Variants in CDH4 observed in about 807,000 individuals in gnomAD.
CDH4 encodes cadherin-4.
A neutral mutation model predicts 86.0 loss-of-function variants in CDH4; 33 were observed. The ratio of observed to expected loss-of-function variants is 0.38; its 90% CI spans 0.29 to 0.51. CDH4 has a LOEUF of 0.51. Among genes scored for constraint, CDH4 ranks in the 20% least tolerant of loss-of-function variants. The pLI, the probability that CDH4 is intolerant of heterozygous loss-of-function variation, is 0.86. For missense variants in CDH4, 1,114 were observed against 1,307.4 expected (o/e 0.85, Z 2.28); for synonymous variants, 555 against 549.4 (o/e 1.01, Z -0.14).
intron 2 of CDH4, among the ~76,000 whole-genome samples, chr20:61,338,193 G>T (rs1045093654): frequency 2.0e-5 from 3 of 152,182 alleles, no homozygotes; most frequent in African/African-American, 7.2e-5. Context: ...TAGCTTCATT[G>T]TTCAACTATT....
intron 9 of CDH4, among the ~76,000 whole-genome samples, chr20:61,911,905 G>A (rs2054855386): frequency 6.6e-6 from 1 of 152,198 alleles, no homozygotes. Flanking sequence ...CCGGAGCAGA[G>A]ACTTAACCAC....
At chr20:61,559,519 CTTT>C (rs1156864328) in intron 2 of CDH4, among the ~76,000 whole-genome samples, 9 of 105,162 alleles carry the variant, frequency 8.6e-5, no homozygotes, top group African/African-American at 2.9e-4. Context: ...ATTTTTTTTT[CTTT>C]TTTTTTTTTT....
At chr20:61,685,471 C>G (rs2087563550) in intron 2 of CDH4, among the ~76,000 whole-genome samples, 1 of 152,252 alleles carries the variant, frequency 6.6e-6, no homozygotes, top group Non-Finnish European at 1.5e-5. Context: ...GCCCCTTCAT[C>G]TCCCCTGCGG....
intron 8 of CDH4, among the ~76,000 whole-genome samples, chr20:61,907,494 C>T (rs2054802955): frequency 1.3e-5 from 2 of 152,218 alleles, no homozygotes; most frequent in South Asian, 4.1e-4. Context: ...GGATCTCCAA[C>T]CATGGCCTGA....
intron 2 of CDH4, among the ~76,000 whole-genome samples, chr20:61,330,093 G>A (rs1362149155): frequency 3.3e-5 from 5 of 152,066 alleles, no homozygotes; most frequent in Admixed American, 6.6e-5. Flanking sequence ...ATCATTGATG[G>A]GCATTTCTGT....
At chr20:61,711,274 T>G (rs2087889998) in intron 2 of CDH4, among the ~76,000 whole-genome samples, 2 of 152,208 alleles carry the variant, frequency 1.3e-5, no homozygotes, top group Non-Finnish European at 2.9e-5. Flanking sequence ...GCCATGATTG[T>G]AAGTTTTCTG....
chr20:61,494,033 C>T (rs2085642595), intron 2 of CDH4, among the ~76,000 whole-genome samples: 1 of 152,178 alleles, frequency 6.6e-6, no homozygotes, highest in Non-Finnish European at 1.5e-5. Context: ...CACTGCCAGA[C>T]AAAGAGCAGG....
intron 2 of CDH4, among the ~76,000 whole-genome samples, chr20:61,457,652 A>T (rs1052335862): frequency 7.9e-5 from 12 of 151,842 alleles, no homozygotes; most frequent in African/African-American, 2.9e-4. Flanking sequence ...TAAGATGGTC[A>T]TGGTCATGAT....
intron 2 of CDH4, among the ~76,000 whole-genome samples, chr20:61,344,055 G>T (rs1315251859): frequency 5.3e-5 from 8 of 152,186 alleles, no homozygotes; most frequent in African/African-American, 1.9e-4. Context: ...ACATAGGAGC[G>T]TGGTGAAGCT....
rs538121962 is a variant in CDH4 at position 61,870,966 on chromosome 20, A to G, written c.878-2762A>G. The stretch of plus-strand genomic sequence containing the variant: ...ACGAGGCAAAGTTATTTTTGTTTAT[A>G]CAAGTCATATTCCTTAGACGCACCA... On this transcript the variant is annotated intron_variant, in intron 6 of 15. Coordinates refer to ENST00000614565, the MANE Select transcript of CDH4 (RefSeq NM_001794.5). Among the ~76,000 whole-genome samples the G allele has an allele frequency of 1.6e-4, 24 of 152,282 alleles. 1 individual carries two copies. The South Asian group carries it at 4.8e-3, about 30-fold the overall frequency.
chr20:61,591,331 T>A (rs60720015), intron 2 of CDH4, among the ~76,000 whole-genome samples: 5,006 of 152,316 alleles, frequency 0.033, 116 homozygotes, highest in Middle Eastern at 0.095. Flanking sequence ...AAGTAATGTA[T>A]TTTATGAAAA....
At chr20:61,666,442 G>C (rs992482536) in intron 2 of CDH4, among the ~76,000 whole-genome samples, 27 of 152,266 alleles carry the variant, frequency 1.8e-4, no homozygotes, top group Admixed American at 3.3e-4. Flanking sequence ...CCCACTGGCA[G>C]TGCACAGGCA....
At chr20:61,826,592 G>A (rs1274136523) in intron 4 of CDH4, among the ~76,000 whole-genome samples, 2 of 152,274 alleles carry the variant, frequency 1.3e-5, no homozygotes, top group African/African-American at 4.8e-5. Flanking sequence ...AACACAGGTG[G>A]AGATTTTATG....
At chr20:61,643,769 T>A (rs907871248) in intron 2 of CDH4, among the ~76,000 whole-genome samples, 5 of 152,240 alleles carry the variant, frequency 3.3e-5, no homozygotes, top group African/African-American at 1.2e-4. Context: ...GGTTTTCTGT[T>A]CCATGTTCTT....
At chr20:61,431,357 TG>T (rs201595554) in intron 2 of CDH4, among the ~76,000 whole-genome samples, 3 of 144,612 alleles carry the variant, frequency 2.1e-5, no homozygotes, top group East Asian at 3.9e-4. Context: ...TTTTTTTTGT[TG>T]GTTTTTTTTT....
At chr20:61,307,668 T>C (rs181916837) in intron 2 of CDH4, among the ~76,000 whole-genome samples, 59 of 152,326 alleles carry the variant, frequency 3.9e-4, no homozygotes, top group African/African-American at 1.3e-3. Context: ...TGGCTGGATA[T>C]TGGGGAAACT....
intron 2 of CDH4, among the ~76,000 whole-genome samples, chr20:61,601,713 A>G (rs1035813107): frequency 6.6e-6 from 1 of 152,196 alleles, no homozygotes; most frequent in Non-Finnish European, 1.5e-5. Context: ...GGCGGGGCGC[A>G]TGCAGCCCAT....
intron 2 of CDH4, among the ~76,000 whole-genome samples, chr20:61,628,632 G>C (rs2086854606): frequency 1.3e-5 from 2 of 152,250 alleles, no homozygotes; most frequent in Non-Finnish European, 2.9e-5. Context: ...GGCATCTGGA[G>C]TTTCTCCAGG....
chr20:61,818,255 G>C (rs932551161), intron 4 of CDH4, among the ~76,000 whole-genome samples: 4 of 152,206 alleles, frequency 2.6e-5, no homozygotes, highest in Non-Finnish European at 5.9e-5. Flanking sequence ...GCTTGGCTTC[G>C]AGGCTGCATG....
Sources: gnomAD v4.1 joint callset for allele counts (sites outside exome capture counted in the v4.1 genomes callset) on GRCh38, gnomAD v4.1.1 for gene constraint, MANE v1.5 for transcripts, NCBI Gene and HGNC (gene_info 2026-07-23, HGNC 2026-07-21) for gene names.